CNTN4: variants seen among roughly 807,000 people sequenced by gnomAD.
CNTN4 encodes contactin-4.
Under a neutral mutation model 122.5 loss-of-function variants are expected in CNTN4, and 77 were observed. The observed-to-expected ratio is 0.63, with a 90% CI of 0.52 to 0.76. CNTN4 has a LOEUF of 0.76. CNTN4 is among the 30% of genes least tolerant of loss of function. The pLI, the probability that CNTN4 is intolerant of heterozygous loss-of-function variation, is 0.00. For missense variants in CNTN4, 1,256 were observed against 1,259.1 expected (o/e 1.00, Z 0.04); for synonymous variants, 512 against 447.0 (o/e 1.15, Z -1.83).
intron 2 of CNTN4, among the ~76,000 whole-genome samples, chr3:2,202,174 C>G (rs1200706329): frequency 6.6e-6 from 1 of 152,070 alleles, no homozygotes; most frequent in East Asian, 1.9e-4. Context: ...GCTTCAGTAG[C>G]CATTAAGCAG....
intron 3 of CNTN4, among the ~76,000 whole-genome samples, chr3:2,400,451 C>CATATATATATATATATATATA (rs1559520108): frequency 2.8e-5 from 3 of 107,978 alleles, no homozygotes; most frequent in Non-Finnish European, 6.0e-5. Context: ...ATATATATAT[C>CATATATATATATATATATATA]TCTTTTTTTC....
intron 7 of CNTN4, among the ~76,000 whole-genome samples, chr3:2,852,755 G>A (rs775313377): frequency 4.3e-4 from 66 of 152,198 alleles, no homozygotes; most frequent in Non-Finnish European, 6.6e-4. Context: ...ATACTTGACC[G>A]GTTATAAATA....
At chr3:2,766,359 G>T (rs534272743) in intron 6 of CNTN4, among the ~76,000 whole-genome samples, 1 of 152,312 alleles carries the variant, frequency 6.6e-6, no homozygotes, top group Non-Finnish European at 1.5e-5. Flanking sequence ...CCATCAGTTA[G>T]TGAGTGGATA....
chr3:3,010,140 A>G (rs549920503), intron 14 of CNTN4, among the ~76,000 whole-genome samples: 25 of 152,046 alleles, frequency 1.6e-4, no homozygotes, highest in Admixed American at 1.2e-3. Flanking sequence ...CTACCTCTGT[A>G]TTACCTGCTC....
Position 2,727,130 on chromosome 3 carries a change from A to T in CNTN4, c.56-9085A>T, listed in dbSNP as rs141137849. Among the ~76,000 whole-genome samples, 34 of 152,316 alleles carry T rather than the reference A, an allele frequency of 2.2e-4. No homozygotes were observed. In the East Asian group the frequency reaches 6.0e-3, roughly 27 times the overall value. On this transcript the variant is annotated intron_variant, in intron 4 of 24. Transcript: ENST00000418658. ...CATGTAATATTGGAATTGGAATCCA[A>T]TCTAGTCCCAGAAACTCGGATCAGA...
intron 2 of CNTN4, among the ~76,000 whole-genome samples, chr3:2,125,695 C>T (rs2034102889): frequency 6.6e-6 from 1 of 151,514 alleles, no homozygotes; most frequent in Non-Finnish European, 1.5e-5. Context: ...GTAGCTGGGA[C>T]TACAGGCGCC....
chr3:2,555,233 A>C (rs2078672802), intron 3 of CNTN4, among the ~76,000 whole-genome samples: 1 of 152,128 alleles, frequency 6.6e-6, no homozygotes, highest in African/African-American at 2.4e-5. Context: ...AAAAATACTA[A>C]CCTTCTTAAG....
intron 3 of CNTN4, among the ~76,000 whole-genome samples, chr3:2,340,440 A>G (rs2044138850): frequency 6.6e-6 from 1 of 151,716 alleles, no homozygotes; most frequent in Admixed American, 6.6e-5. Context: ...TTAGTATATA[A>G]TTCTGATTCT....
At chr3:2,900,056 G>A (rs922862623) in intron 10 of CNTN4, among the ~76,000 whole-genome samples, 4 of 152,162 alleles carry the variant, frequency 2.6e-5, no homozygotes, top group African/African-American at 9.7e-5. Flanking sequence ...TGGATGTGGA[G>A]CTGCTTTGCT....
chr3:2,362,499 T>A, intron 3 of CNTN4: 1 of 532,042 alleles, frequency 1.9e-6, no homozygotes, highest in Non-Finnish European at 3.7e-6. Context: ...CTGAGGTGGC[T>A]CCATAGGCTC....
At chr3:2,636,010 T>G (rs2082643469) in intron 4 of CNTN4, among the ~76,000 whole-genome samples, 1 of 152,208 alleles carries the variant, frequency 6.6e-6, no homozygotes, top group Non-Finnish European at 1.5e-5. Flanking sequence ...AGGTTACATT[T>G]CTTCCCTGCT....
chr3:2,773,761 A>ATTTTTTTT (rs2091200953), intron 6 of CNTN4, among the ~76,000 whole-genome samples: 1 of 32,120 alleles, frequency 3.1e-5, no homozygotes. Flanking sequence ...AATGTAGTAG[A>ATTTTTTTT]CTTTTTTTTT....
intron 6 of CNTN4, among the ~76,000 whole-genome samples, chr3:2,811,223 A>T (rs897278007): frequency 6.6e-6 from 1 of 151,426 alleles, no homozygotes; most frequent in South Asian, 2.1e-4. Flanking sequence ...CAGCCTGGCC[A>T]ATGTGGGAAA....
chr3:2,382,173 T>C (rs1043298269), intron 3 of CNTN4, among the ~76,000 whole-genome samples: 3 of 111,046 alleles, frequency 2.7e-5, no homozygotes, highest in Non-Finnish European at 3.5e-5. Flanking sequence ...CTATCGTGAT[T>C]TTTTTTTTTT....
intron 14 of CNTN4, among the ~76,000 whole-genome samples, chr3:2,992,555 A>G (rs1389647389): frequency 6.6e-6 from 1 of 152,194 alleles, no homozygotes; most frequent in Non-Finnish European, 1.5e-5. Flanking sequence ...GGGATTTTGC[A>G]TGACACAGTG....
At chr3:2,882,943 C>T (rs1350017698) in intron 8 of CNTN4, 4 of 520,172 alleles carry the variant, frequency 7.7e-6, no homozygotes, top group Non-Finnish European at 1.4e-5. Flanking sequence ...TGGTGTGGTT[C>T]TGCGACACAA....
At chr3:2,742,130 T>G (rs987658916) in intron 5 of CNTN4, among the ~76,000 whole-genome samples, 1 of 152,172 alleles carries the variant, frequency 6.6e-6, no homozygotes, top group African/African-American at 2.4e-5. Context: ...CAGGCTGAAT[T>G]TGAGGGGGAA....
intron 6 of CNTN4, among the ~76,000 whole-genome samples, chr3:2,793,478 G>A (rs1387740490): frequency 2.0e-5 from 3 of 151,870 alleles, no homozygotes; most frequent in East Asian, 3.9e-4. Context: ...CTGGATTTTT[G>A]TCCCTTAATT....
At chr3:2,345,602 C>T (rs1042619030) in intron 3 of CNTN4, among the ~76,000 whole-genome samples, 1 of 152,010 alleles carries the variant, frequency 6.6e-6, no homozygotes, top group Non-Finnish European at 1.5e-5. Context: ...GTATTAGGAC[C>T]AGGTGATATG....
Sources: gnomAD v4.1 joint callset for allele counts (sites outside exome capture counted in the v4.1 genomes callset) on GRCh38, gnomAD v4.1.1 for gene constraint, MANE v1.5 for transcripts, NCBI Gene and HGNC (gene_info 2026-07-23, HGNC 2026-07-21) for gene names.